GRID2: variants seen among roughly 807,000 people sequenced by gnomAD.
GRID2 encodes glutamate ionotropic receptor delta type subunit 2, also known as glutamate receptor ionotropic, delta-2.
In GRID2, 33 loss-of-function variants were observed where a neutral mutation model predicts 114.8. The observed-to-expected ratio is 0.29, with a 90% CI of 0.22 to 0.38. The LOEUF is 0.38. Ranked by LOEUF, GRID2 falls within the 10% of genes least tolerant of loss-of-function variation. The pLI, the probability that GRID2 is intolerant of heterozygous loss-of-function variation, is 1.00. For synonymous variants in GRID2, 505 were observed against 449.9 expected (o/e 1.12, Z -1.55); for missense variants, 1,184 against 1,257.7 (o/e 0.94, Z 0.89).
chr4:93,418,727 T>C (rs1767966667), intron 9 of GRID2, among the ~76,000 whole-genome samples: 1 of 152,076 alleles, frequency 6.6e-6, no homozygotes, highest in African/African-American at 2.4e-5. Context: ...ATTTCTTTGA[T>C]TTTTGTTTGG....
At chr4:92,960,801 C>G (rs1001356443) in intron 2 of GRID2, among the ~76,000 whole-genome samples, 1 of 151,712 alleles carries the variant, frequency 6.6e-6, no homozygotes, top group Non-Finnish European at 1.5e-5. Flanking sequence ...TGCCTGTGAT[C>G]CTGGTTCCTT....
chr4:93,033,163 G>C (rs1296734730), intron 2 of GRID2, among the ~76,000 whole-genome samples: 1 of 152,096 alleles, frequency 6.6e-6, no homozygotes. Flanking sequence ...TGTGAAGTTA[G>C]AGGGAGCACA....
At chr4:92,799,558 C>CA (rs1235289716) in intron 2 of GRID2, among the ~76,000 whole-genome samples, 1 of 152,012 alleles carries the variant, frequency 6.6e-6, no homozygotes, top group East Asian at 1.9e-4. Context: ...CTCACATCAT[C>CA]TTTTTTCTTC....
At chr4:93,556,552 A>T (rs1199710849) in intron 13 of GRID2, among the ~76,000 whole-genome samples, 1 of 152,198 alleles carries the variant, frequency 6.6e-6, no homozygotes, top group African/African-American at 2.4e-5. Context: ...AGACAAGATT[A>T]GAGAAAAAAG....
chr4:93,618,519 T>A (rs1741916740), intron 13 of GRID2, among the ~76,000 whole-genome samples: 1 of 152,146 alleles, frequency 6.6e-6, no homozygotes, highest in Admixed American at 6.5e-5. Flanking sequence ...CAGAAGCAGC[T>A]AAGGGCTCTC....
At chr4:93,018,222 GAAAA>G (rs3078566) in intron 2 of GRID2, among the ~76,000 whole-genome samples, 5 of 139,454 alleles carry the variant, frequency 3.6e-5, no homozygotes, top group Middle Eastern at 3.7e-3. Flanking sequence ...GTATTTTGTT[GAAAA>G]AAAAAAAAAA....
At chr4:92,961,262 C>T (rs1372067899) in intron 2 of GRID2, among the ~76,000 whole-genome samples, 1 of 151,682 alleles carries the variant, frequency 6.6e-6, no homozygotes, top group Non-Finnish European at 1.5e-5. Flanking sequence ...TACTCATTTT[C>T]TGATGCTCTT....
intron 1 of GRID2, among the ~76,000 whole-genome samples, chr4:92,551,275 T>TGC (rs1324712276): frequency 2.0e-5 from 3 of 150,966 alleles, no homozygotes; most frequent in Non-Finnish European, 4.4e-5. Flanking sequence ...TGTGTGTGTG[T>TGC]GTGTGTGTGT....
chr4:93,095,781 T>A (rs1404499033), intron 3 of GRID2, among the ~76,000 whole-genome samples: 1 of 152,058 alleles, frequency 6.6e-6, no homozygotes, highest in Non-Finnish European at 1.5e-5. Context: ...AGATATATGT[T>A]CATGATTTTC....
intron 1 of GRID2, among the ~76,000 whole-genome samples, chr4:92,483,858 G>C (rs1236616395): frequency 1.3e-5 from 2 of 152,156 alleles, no homozygotes; most frequent in African/African-American, 4.8e-5. Flanking sequence ...GGTGTTTCCT[G>C]CCACACCTGA....
intron 1 of GRID2, among the ~76,000 whole-genome samples, chr4:92,462,395 A>G (rs1323102180): frequency 6.6e-6 from 1 of 152,088 alleles, no homozygotes; most frequent in African/African-American, 2.4e-5. Flanking sequence ...ATTCTTTGCT[A>G]TCACTTAAAC....
intron 2 of GRID2, among the ~76,000 whole-genome samples, chr4:92,630,858 T>G (rs1560499549): frequency 6.6e-6 from 1 of 152,074 alleles, no homozygotes; most frequent in Non-Finnish European, 1.5e-5. Flanking sequence ...ATAATCCAAT[T>G]GTAGACAACA....
intron 4 of GRID2, among the ~76,000 whole-genome samples, chr4:93,128,043 A>AC (rs1734446529): frequency 4.9e-5 from 7 of 144,288 alleles, no homozygotes; most frequent in African/African-American, 1.8e-4. Flanking sequence ...AAAAAAAAAA[A>AC]AAAAAAAAAA....
chr4:93,417,002 T>A (rs1156708497), intron 9 of GRID2, among the ~76,000 whole-genome samples: 1 of 152,102 alleles, frequency 6.6e-6, no homozygotes, highest in East Asian at 1.9e-4. Context: ...TCATAACCTG[T>A]AATTTGTTTT....
intron 2 of GRID2, among the ~76,000 whole-genome samples, chr4:93,032,119 C>T (rs564729342): frequency 7.4e-4 from 113 of 152,268 alleles, no homozygotes; most frequent in African/African-American, 2.1e-3. Context: ...CTCAATTTCA[C>T]CATAGCTCAC....
chr4:93,176,497 C>T (rs940320171), intron 4 of GRID2, among the ~76,000 whole-genome samples: 1 of 152,184 alleles, frequency 6.6e-6, no homozygotes, highest in African/African-American at 2.4e-5. Flanking sequence ...TATCATTTCA[C>T]ATTTCTGTCA....
chr4:92,313,406 C>A (rs995502361), intron 1 of GRID2, among the ~76,000 whole-genome samples: 2 of 151,824 alleles, frequency 1.3e-5, no homozygotes, highest in African/African-American at 4.8e-5. Context: ...CAGGTTCTCA[C>A]GAATCTCCCC....
At chr4:93,289,336 A>G (rs1753499623) in intron 8 of GRID2, among the ~76,000 whole-genome samples, 1 of 152,142 alleles carries the variant, frequency 6.6e-6, no homozygotes. Flanking sequence ...CTTTTTTTTA[A>G]GAGACTGGAT....
intron 3 of GRID2, among the ~76,000 whole-genome samples, chr4:93,100,713 C>A (rs1454813086): frequency 6.6e-6 from 1 of 151,892 alleles, no homozygotes; most frequent in African/African-American, 2.4e-5. Flanking sequence ...CAAGTGAGGT[C>A]TTAAAATGTA....
Sources: gnomAD v4.1 joint callset for allele counts (sites outside exome capture counted in the v4.1 genomes callset) on GRCh38, gnomAD v4.1.1 for gene constraint, MANE v1.5 for transcripts, NCBI Gene and HGNC (gene_info 2026-07-23, HGNC 2026-07-21) for gene names.